The following LRP2 variants were observed in gnomAD, a reference collection of about 807,000 sequenced individuals.
LRP2 encodes low-density lipoprotein receptor-related protein 2.
A neutral mutation model predicts 531.0 loss-of-function variants in LRP2; 172 were observed. The ratio of observed to expected loss-of-function variants is 0.32; its 90% CI spans 0.29 to 0.37. The LOEUF (loss-of-function observed/expected upper bound fraction) is 0.37. Ranked by LOEUF, LRP2 falls within the 10% of genes least tolerant of loss-of-function variation. The pLI is 1.00. For missense variants in LRP2, 5,167 were observed against 5,868.3 expected, an observed-to-expected ratio of 0.88 and a Z score of 3.90; for synonymous variants, 1,992 against 2,027.6, an observed-to-expected ratio of 0.98 and a Z score of 0.47.
chr2:169,240,212 T>G (rs984513320), intron 25 of LRP2, among the ~76,000 whole-genome samples: 1 of 152,142 alleles, frequency 6.6e-6, no homozygotes, highest in Admixed American at 6.5e-5. Context: ...ATCTATGAAG[T>G]GAACAAATCA....
At chr2:169,163,063 T>A (rs1281851329) in intron 62 of LRP2, among the ~76,000 whole-genome samples, 3 of 152,160 alleles carry the variant, frequency 2.0e-5, no homozygotes, top group African/African-American at 7.2e-5. Flanking sequence ...AATAAAAACA[T>A]AAAATATTTG....
At position 169,327,982 on chromosome 2, in the gene LRP2, G is replaced by A. The variant is rs866414370; in HGVS notation, c.80-7098C>T. Among the ~76,000 whole-genome samples, 4 of 114,000 alleles carry A rather than the reference G, an allele frequency of 3.5e-5. 1 individual carries two copies. The highest frequency in any genetic ancestry group is 5.4e-4 in the South Asian group (2 of 3,680). 74.8% of individuals were successfully genotyped at this position (114,000 alleles called of 152,430 possible). A position where few individuals can be genotyped will look rare whatever the true frequency, so the allele number is the denominator to read the frequency against. The stretch of plus-strand genomic sequence containing the variant: ...CAGCCGCCCCGTCCGGGAGGGAGGT[G>A]GGGGGGTTAGCCCCACGTCCGGGAG... On this transcript the variant is annotated intron_variant, in intron 1 of 78. Transcript: ENST00000649046.
At chr2:169,166,936 A>T (rs1330901179) in intron 61 of LRP2, among the ~76,000 whole-genome samples, 1 of 152,176 alleles carries the variant, frequency 6.6e-6, no homozygotes, top group African/African-American at 2.4e-5. Flanking sequence ...AAGAGGAGAG[A>T]CTTATAATAA....
chr2:169,319,025 G>C (rs1684842381), intron 2 of LRP2, 141 bp from the exon 3 acceptor site: 1 of 1,038,212 alleles, frequency 9.6e-7, no homozygotes, highest in Non-Finnish European at 1.4e-6. Context: ...CCTTATACTA[G>C]AGTCTGTGGA....
intron 1 of LRP2, among the ~76,000 whole-genome samples, chr2:169,352,760 C>G: frequency 6.6e-6 from 1 of 151,788 alleles, no homozygotes. Context: ...AACAGAAAAC[C>G]AAACACCGCA....
intron 16 of LRP2, among the ~76,000 whole-genome samples, chr2:169,263,120 T>A (rs1690639725): frequency 6.6e-6 from 1 of 152,176 alleles, no homozygotes; most frequent in Admixed American, 6.5e-5. Flanking sequence ...ACTTAAATAT[T>A]AGACCTAAAA....
chr2:169,323,085 A>G (rs1188144697), intron 1 of LRP2, among the ~76,000 whole-genome samples: 1 of 152,192 alleles, frequency 6.6e-6, no homozygotes, highest in Non-Finnish European at 1.5e-5. Flanking sequence ...CTTCAAAGTC[A>G]ATTATTTAAA....
At chr2:169,190,652 C>T (rs528235748) in intron 48 of LRP2, among the ~76,000 whole-genome samples, 1 of 152,162 alleles carries the variant, frequency 6.6e-6, no homozygotes, top group African/African-American at 2.4e-5. Flanking sequence ...ATTCCTGATG[C>T]TCTCAATGTG....
At chr2:169,331,317 T>C (rs557568002) in intron 1 of LRP2, among the ~76,000 whole-genome samples, 1 of 152,176 alleles carries the variant, frequency 6.6e-6, no homozygotes, top group Non-Finnish European at 1.5e-5. Flanking sequence ...AAAATATAAA[T>C]TGACAATCAC....
rs140510360 is a variant in LRP2, at chr2:169,356,905, G to C, written c.79+5416C>G. ...TGCAAAACTGCAGTCCATTTTAATTGCGAGATATGTAGACACCTCTTTTCA... is the reference window on the plus strand; with the variant it reads ...TGCAAAACTGCAGTCCATTTTAATTCCGAGATATGTAGACACCTCTTTTCA... On this transcript the variant is annotated intron_variant, in intron 1 of 78. Coordinates refer to ENST00000649046, the MANE Select transcript of LRP2 (RefSeq NM_004525.3). Among the ~76,000 whole-genome samples the C allele has an allele frequency of 3.5e-4, 53 of 152,262 alleles. No homozygotes were observed. In the East Asian group the frequency reaches 8.1e-3, roughly 23 times the overall value.
At chr2:169,353,429 G>T (rs1250661371) in intron 1 of LRP2, among the ~76,000 whole-genome samples, 1 of 152,050 alleles carries the variant, frequency 6.6e-6, no homozygotes, top group East Asian at 1.9e-4. Flanking sequence ...ACTGCACCTC[G>T]CCTGAACCCC....
chr2:169,202,332 C>G (rs1167387735), intron 43 of LRP2, among the ~76,000 whole-genome samples: 3 of 152,112 alleles, frequency 2.0e-5, no homozygotes, highest in African/African-American at 4.8e-5. Context: ...AAATAATGAC[C>G]TTTGTGCTAC....
intron 8 of LRP2, among the ~76,000 whole-genome samples, chr2:169,289,722 G>A (rs1201834216): frequency 6.6e-6 from 1 of 152,166 alleles, no homozygotes; most frequent in Non-Finnish European, 1.5e-5. Context: ...ACTGGAGCAA[G>A]AATAAGCCCT....
intron 1 of LRP2, among the ~76,000 whole-genome samples, chr2:169,348,998 C>T (rs79672267): frequency 0.013 from 1,985 of 152,270 alleles, 45 homozygotes; most frequent in African/African-American, 0.046. Flanking sequence ...CCCTTCTTAG[C>T]ACCCATGGTG....
At position 169,185,640 on chromosome 2, in the gene LRP2, T is replaced by G. The variant is rs1197483576; in HGVS notation, c.9708A>C (p.Arg3236=). 2 of 1,614,032 alleles carry G rather than the reference T, an allele frequency of 1.2e-6. No homozygotes were observed. The highest frequency in any genetic ancestry group is 2.2e-5 in the South Asian group (2 of 91,074). The stretch of plus-strand genomic sequence containing the variant: ...CAATCCAATACAATCTCTTCTCTAC[T>G]CGGTCAAAATCTAATGCCACAACAT... ...LDNVVALDFD[R]VEKRLYWIDT... Residue 3236 remains arginine (R), a synonymous_variant, in exon 50 of 79, where the codon CGA becomes CGC. Transcript: ENST00000649046.
At chr2:169,278,072 T>A in intron 12 of LRP2, 121 bp from the exon 13 acceptor site, 1 of 771,440 alleles carries the variant, frequency 1.3e-6, no homozygotes. Context: ...AACCACAGTA[T>A]AAAACAACAG....
Position 169,130,339 on chromosome 2 carries a change from G to A in LRP2, c.13729-1255C>T, listed in dbSNP as rs567047279. ...GTCTCACTCTGTCGCCTAGGCTGGA[G>A]TGCAGTGTCACAGTCTCGGCCCACT... On this transcript the variant is annotated intron_variant, in intron 77 of 78. Transcript: ENST00000649046. 6.0e-5 allele frequency among the ~76,000 whole-genome samples: 9 copies of A among 150,254 alleles called. No individual in the cohort carries two copies. The South Asian group carries it at 8.4e-4, about 14-fold the overall frequency.
chr2:169,257,310 A>C, intron 17 of LRP2, 61 bp from the exon 18 acceptor site: 3 of 1,563,222 alleles, frequency 1.9e-6, no homozygotes, highest in Non-Finnish European at 2.6e-6. Flanking sequence ...TGACTTCCAG[A>C]GATTTAGAAC....
chr2:169,232,844 T>C (rs1689459958), intron 30 of LRP2, among the ~76,000 whole-genome samples: 1 of 152,156 alleles, frequency 6.6e-6, no homozygotes, highest in Non-Finnish European at 1.5e-5. Flanking sequence ...AGCAGCCACA[T>C]GCTGAAGGGT....
Sources: gnomAD v4.1 joint callset for allele counts (sites outside exome capture counted in the v4.1 genomes callset) on GRCh38, gnomAD v4.1.1 for gene constraint, MANE v1.5 for transcripts, NCBI Gene and HGNC (gene_info 2026-07-23, HGNC 2026-07-21) for gene names.